Variants in NRXN1 observed in about 807,000 individuals in gnomAD.
NRXN1 encodes neurexin-1.
NRXN1 carries 39 observed loss-of-function variants against 150.9 expected under a neutral mutation model. The ratio of observed to expected loss-of-function variants is 0.26; its 90% CI spans 0.20 to 0.34. The LOEUF is 0.34. Among genes scored for constraint, NRXN1 ranks in the 10% least tolerant of loss-of-function variants. The pLI, the probability that NRXN1 is intolerant of heterozygous loss-of-function variation, is 1.00. For synonymous variants in NRXN1, 924 were observed against 757.0 expected (o/e 1.22, Z -3.62); for missense variants, 1,815 against 1,949.9 (o/e 0.93, Z 1.30).
intron 5 of NRXN1, among the ~76,000 whole-genome samples, chr2:50,843,652 A>C (rs1673197695): frequency 6.6e-6 from 1 of 152,212 alleles, no homozygotes. Flanking sequence ...TCCGCCATCC[A>C]GGTTACTGTT....
intron 2 of NRXN1, among the ~76,000 whole-genome samples, chr2:50,996,781 A>G (rs932704007): frequency 6.6e-6 from 1 of 152,004 alleles, no homozygotes; most frequent in Admixed American, 6.6e-5. Context: ...ACCTCCTTCT[A>G]TATCATCTTC....
At chr2:50,777,737 T>A in intron 5 of NRXN1, among the ~76,000 whole-genome samples, 1 of 152,052 alleles carries the variant, frequency 6.6e-6, no homozygotes, top group East Asian at 1.9e-4. Context: ...TTCTAACCAG[T>A]ATAAGTCCAC....
chr2:50,337,809 G>T (rs931686794), intron 17 of NRXN1, among the ~76,000 whole-genome samples: 2 of 151,782 alleles, frequency 1.3e-5, no homozygotes, highest in African/African-American at 4.8e-5. Flanking sequence ...CTATTAAAAA[G>T]AAAAAAACAC....
chr2:50,781,602 C>T lies in NRXN1; in HGVS notation c.832+140267G>A, dbSNP rs1300210598. Among the ~76,000 whole-genome samples the T allele has an allele frequency of 3.9e-5, 6 of 152,304 alleles. No homozygotes were observed. The East Asian group carries it at 5.8e-4, about 15-fold the overall frequency. On this transcript the variant is annotated intron_variant, in intron 5 of 22. Coordinates refer to ENST00000401669, the MANE Select transcript of NRXN1 (RefSeq NM_001330078.2). ...CAGTAACACACCAGCCAAATAAAAA[C>T]GTAGCTTCTGGTCAAGCTGATTTCT... is the stretch of plus-strand genomic sequence containing the variant.
chr2:50,726,050 G>A (rs186736187), intron 5 of NRXN1, among the ~76,000 whole-genome samples: 25 of 152,080 alleles, frequency 1.6e-4, no homozygotes, highest in Non-Finnish European at 3.4e-4. Flanking sequence ...GGGTGTCCTG[G>A]GCACAGTTTA....
chr2:50,269,957 C>T (rs958257705), intron 17 of NRXN1, among the ~76,000 whole-genome samples: 25 of 152,124 alleles, frequency 1.6e-4, no homozygotes, highest in African/African-American at 5.1e-4. Context: ...ACAAAAAGCA[C>T]ATTCTGTTAA....
chr2:50,745,622 T>C (rs1322569014), intron 5 of NRXN1, among the ~76,000 whole-genome samples: 1 of 152,138 alleles, frequency 6.6e-6, no homozygotes. Flanking sequence ...AGAGGTTTAA[T>C]TGATTCACAG....
chr2:49,925,916 C>A (rs1157206787), intron 22 of NRXN1, among the ~76,000 whole-genome samples: 2 of 152,120 alleles, frequency 1.3e-5, no homozygotes, highest in African/African-American at 4.8e-5. Flanking sequence ...GTCTTTAAGT[C>A]TTGAATCTTC....
At chr2:50,651,939 C>A (rs1685700418) in intron 5 of NRXN1, among the ~76,000 whole-genome samples, 1 of 151,986 alleles carries the variant, frequency 6.6e-6, no homozygotes, top group South Asian at 2.1e-4. Context: ...TTTAAATGAG[C>A]AGGTTATTGT....
At chr2:50,058,518 A>T (rs1242294596) in intron 19 of NRXN1, among the ~76,000 whole-genome samples, 1 of 152,166 alleles carries the variant, frequency 6.6e-6, no homozygotes, top group Non-Finnish European at 1.5e-5. Flanking sequence ...TATTCTCTAA[A>T]TTCTTTGTTC....
intron 18 of NRXN1, among the ~76,000 whole-genome samples, chr2:50,213,679 C>T (rs562830372): frequency 2.6e-5 from 4 of 151,944 alleles, no homozygotes; most frequent in Non-Finnish European, 4.4e-5. Context: ...AATTATCATG[C>T]CTCCTCGAGT....
chr2:50,081,332 A>C (rs562337090), intron 19 of NRXN1, among the ~76,000 whole-genome samples: 12 of 152,174 alleles, frequency 7.9e-5, no homozygotes, highest in Non-Finnish European at 1.6e-4. Flanking sequence ...TAATCCCAGC[A>C]CTTTGGGGGG....
chr2:50,724,495 T>C (rs908184814), intron 5 of NRXN1, among the ~76,000 whole-genome samples: 1 of 152,162 alleles, frequency 6.6e-6, no homozygotes, highest in African/African-American at 2.4e-5. Flanking sequence ...TAGCTCTTTA[T>C]ATAATGAAAT....
intron 5 of NRXN1, among the ~76,000 whole-genome samples, chr2:50,633,792 C>G (rs1328250894): frequency 6.6e-6 from 1 of 152,036 alleles, no homozygotes; most frequent in Non-Finnish European, 1.5e-5. Flanking sequence ...GGTCTCCACT[C>G]TCATCAAACC....
At chr2:50,399,345 T>C (rs773230036) in intron 17 of NRXN1, among the ~76,000 whole-genome samples, 2 of 152,164 alleles carry the variant, frequency 1.3e-5, no homozygotes, top group Non-Finnish European at 2.9e-5. Flanking sequence ...TATTTTCAAA[T>C]GTTTCTGGAA....
chr2:50,108,144 G>C lies in NRXN1; in HGVS notation c.3547-16650C>G, dbSNP rs563333109. Among the ~76,000 whole-genome samples the C allele has an allele frequency of 2.9e-4, 44 of 152,026 alleles. No homozygotes were observed. The South Asian group carries it at 5.6e-3, about 19-fold the overall frequency. ...GAAATCTGTTTCAGAATATAGAAAA[G>C]TATAACTCCCCTCTAACTCCATAAA... On this transcript the variant is annotated intron_variant, in intron 18 of 22. Transcript: ENST00000401669.
chr2:50,821,533 T>A (rs1456442204), intron 5 of NRXN1, among the ~76,000 whole-genome samples: 1 of 152,142 alleles, frequency 6.6e-6, no homozygotes, highest in African/African-American at 2.4e-5. Flanking sequence ...AGTTAACATA[T>A]GTAAATAGCT....
intron 12 of NRXN1, among the ~76,000 whole-genome samples, chr2:50,520,591 T>C (rs2092759100): frequency 1.3e-5 from 2 of 151,882 alleles, no homozygotes; most frequent in Non-Finnish European, 1.5e-5. Context: ...AATTGATAAC[T>C]CAAAAAAAAT....
At chr2:50,077,355 A>T (rs184289697) in intron 19 of NRXN1, among the ~76,000 whole-genome samples, 2 of 152,324 alleles carry the variant, frequency 1.3e-5, no homozygotes, top group Admixed American at 1.3e-4. Flanking sequence ...GACAGATTTA[A>T]CATTCTATTT....
Sources: allele counts gnomAD v4.1 joint callset (sites outside exome capture counted in the v4.1 genomes callset), GRCh38; gene constraint gnomAD v4.1.1; transcripts MANE v1.5; gene names NCBI Gene and HGNC (gene_info 2026-07-23, HGNC 2026-07-21).